DIP2B: variants seen among roughly 807,000 people sequenced by gnomAD.
DIP2B encodes DIP2 acetate--CoA ligase B (putative).
Under a neutral mutation model 198.0 loss-of-function variants are expected in DIP2B, and 76 were observed. The observed-to-expected ratio is 0.38, with a 90% CI of 0.32 to 0.46. DIP2B has a LOEUF of 0.46. Ranked by LOEUF, DIP2B falls within the 20% of genes least tolerant of loss-of-function variation. The probability of loss-of-function intolerance (pLI) is 0.99; values close to 1 mark genes in which losing one functional copy is unlikely to be tolerated. For synonymous variants in DIP2B, 701 were observed against 739.1 expected, an observed-to-expected ratio of 0.95 and a Z score of 0.84; for missense variants, 1,559 against 1,978.4, an observed-to-expected ratio of 0.79 and a Z score of 4.02.
intron 1 of DIP2B, among the ~76,000 whole-genome samples, chr12:50,624,664 C>A (rs1226806705): frequency 1.3e-5 from 2 of 152,160 alleles, no homozygotes; most frequent in Non-Finnish European, 2.9e-5. Context: ...ATCCTATGGT[C>A]TTCCTCTTAA....
chr12:50,728,399 T>A, intron 29 of DIP2B, 149 bp from the exon 30 acceptor site: 1 of 890,184 alleles, frequency 1.1e-6, no homozygotes, highest in Non-Finnish European at 1.6e-6. Flanking sequence ...GTTCCCTTAA[T>A]GGAGTCTTAG....
chr12:50,525,122 C>T (rs2139356696), intron 1 of DIP2B, among the ~76,000 whole-genome samples: 1 of 152,178 alleles, frequency 6.6e-6, no homozygotes, highest in Non-Finnish European at 1.5e-5. Context: ...CTTTGGGAGG[C>T]CGAGGCGGGC....
chr12:50,662,810 A>G (rs536301814), intron 4 of DIP2B, among the ~76,000 whole-genome samples: 29 of 152,318 alleles, frequency 1.9e-4, no homozygotes, highest in African/African-American at 6.7e-4. Flanking sequence ...GCTTCTGGCC[A>G]GCTACCAAAG....
chr12:50,665,554 G>A (rs1398589272), intron 4 of DIP2B, among the ~76,000 whole-genome samples: 2 of 152,122 alleles, frequency 1.3e-5, no homozygotes, highest in Non-Finnish European at 2.9e-5. Context: ...ACCAGCCTGG[G>A]CAACATAGCA....
chr12:50,505,513 A>C (rs1957960411), intron 1 of DIP2B, among the ~76,000 whole-genome samples: 1 of 152,080 alleles, frequency 6.6e-6, no homozygotes. Context: ...TGCCCCCCAA[A>C]ACCCGAGACA....
At chr12:50,642,284 A>G (rs1199354123) in intron 3 of DIP2B, among the ~76,000 whole-genome samples, 3 of 152,190 alleles carry the variant, frequency 2.0e-5, no homozygotes, top group Non-Finnish European at 4.4e-5. Context: ...AAGGGTCAGA[A>G]AGAGGTGGGA....
chr12:50,511,524 C>T (rs889692418), intron 1 of DIP2B, among the ~76,000 whole-genome samples: 1 of 151,068 alleles, frequency 6.6e-6, no homozygotes, highest in South Asian at 2.1e-4. Context: ...AACTCCTGAC[C>T]TCAAATGATC....
In DIP2B at chr12:50,532,084, C is replaced by T. The variant is rs1162346057; in HGVS notation, c.100+26844C>T. ...GCTGCTGGAGTGATCATTCAGGATG[C>T]CAGGAATGACTCCTTTTCTGCTGAA... On this transcript the variant is annotated intron_variant, in intron 1 of 37. Coordinates refer to ENST00000301180, the MANE Select transcript of DIP2B (RefSeq NM_173602.3). Among the ~76,000 whole-genome samples, 3 of 152,030 alleles carry T rather than the reference C, an allele frequency of 2.0e-5. No individual in the cohort carries two copies. In the East Asian group the frequency reaches 5.8e-4, roughly 29 times the overall value.
rs780061775 is a variant in DIP2B at position 50,714,538 on chromosome 12, C to T, written c.2793C>T (p.Ile931=). The T allele has an allele frequency of 6.2e-7, 1 of 1,614,022 alleles. No homozygotes were observed. The highest frequency in any genetic ancestry group is 1.7e-5 in the Admixed American group (1 of 59,996). Residue 931 remains isoleucine, a synonymous_variant, in exon 23 of 38, where the codon ATC becomes ATT. Transcript: ENST00000301180. ...FLEGSLHPCN[I]LMCPHTCVTN... is the part of the protein sequence containing the mutation. ...AGGGATCACTGCATCCTTGCAACAT[C>T]CTCATGTGCCCCCATACATGTGTGA... is the stretch of plus-strand genomic sequence containing the variant.
At position 50,671,215 on chromosome 12, in the gene DIP2B, T is replaced by C; in HGVS notation, c.457T>C (p.Ser153Pro). 6.2e-7 allele frequency: 1 copy of C among 1,614,190 alleles called. No homozygotes were observed. Among genetic ancestry groups the C allele is most frequent in the Non-Finnish European group, 8.5e-7 (1 of 1,180,024 alleles). Residue 153 changes from serine (S) to proline (P), a missense_variant, in exon 5 of 38, where the codon TCT (serine) becomes CCT (proline). Physicochemically the swap from Ser to Pro is moderately conservative, Grantham distance 74 (BLOSUM62 -1). Transcript: ENST00000301180. ...ATCTTCGGCCTCTGAGGATGAGGGCTCTCTGAGACGCCAAGCTGCGCTCTC... is the reference window on the plus strand; with the variant it reads ...ATCTTCGGCCTCTGAGGATGAGGGCCCTCTGAGACGCCAAGCTGCGCTCTC... ...DTSSASEDEG[S>P]LRRQAALSAA...
chr12:50,728,755 G>C lies in DIP2B; in HGVS notation c.3641+77G>C, dbSNP rs1022420717. The C allele has an allele frequency of 1.7e-5, 26 of 1,530,562 alleles. No homozygotes were observed. In the East Asian group the frequency reaches 4.7e-4, roughly 28 times the overall value. 94.8% of individuals were successfully genotyped at this position (1,530,562 alleles called of 1,614,324 possible). ...CCATGGCCATCTCATCCTTCCCTTTGCTCCCTTAATTTGGTAAAGTTTCAG... is the reference window on the plus strand; with the variant it reads ...CCATGGCCATCTCATCCTTCCCTTTCCTCCCTTAATTTGGTAAAGTTTCAG... On this transcript the variant is annotated intron_variant, in intron 30 of 37. Coordinates refer to ENST00000301180, the MANE Select transcript of DIP2B (RefSeq NM_173602.3).
chr12:50,689,493 TA>T (rs1251622598), intron 12 of DIP2B, among the ~76,000 whole-genome samples: 1 of 152,210 alleles, frequency 6.6e-6, no homozygotes, highest in Non-Finnish European at 1.5e-5. Flanking sequence ...AGGCAGGGCT[TA>T]GTTACTGATG....
Position 50,732,440 on chromosome 12 carries a change from G to C in DIP2B, c.3885G>C (p.Gln1295His). ...VAEERPRVAL[Q>H]QSFSKLFKDI... ...AGGAGAGGCCCCGCGTTGCACTCCA[G>C]CAGTCCTTCTCTAAGCTCTTCAAAG... The change falls in exon 32 of 38, where the codon CAG becomes CAC. Residue 1295 changes from glutamine (Q) to histidine (H), a missense_variant. Physicochemically the swap from Gln to His is conservative, Grantham distance 24. Transcript: ENST00000301180. 1 of 1,614,244 alleles carries C rather than the reference G, an allele frequency of 6.2e-7. No homozygotes were observed. Among genetic ancestry groups the C allele is most frequent in the Non-Finnish European group, 8.5e-7 (1 of 1,180,042 alleles).
intron 3 of DIP2B, among the ~76,000 whole-genome samples, chr12:50,658,651 C>T (rs1028369883): frequency 3.3e-5 from 5 of 152,026 alleles, no homozygotes; most frequent in Admixed American, 3.3e-4. Flanking sequence ...TGGAAATAAC[C>T]TAGTATCTGA....
chr12:50,660,406 A>C, intron 4 of DIP2B, 87 bp downstream of exon 4: 1 of 1,377,258 alleles, frequency 7.3e-7, no homozygotes, highest in Non-Finnish European at 9.5e-7. Context: ...TGAGGTAAGA[A>C]CCAGAATCTT....
chr12:50,576,697 G>A (rs1306709850), intron 1 of DIP2B, among the ~76,000 whole-genome samples: 1 of 151,664 alleles, frequency 6.6e-6, no homozygotes, highest in Non-Finnish European at 1.5e-5. Context: ...TAGCCAGGAT[G>A]GTCTCGATCT....
chr12:50,523,360 T>C (rs975829964), intron 1 of DIP2B, among the ~76,000 whole-genome samples: 2 of 152,218 alleles, frequency 1.3e-5, no homozygotes, highest in Non-Finnish European at 2.9e-5. Flanking sequence ...AAAAAATCTG[T>C]ACATGTTCAG....
chr12:50,538,480 G>A (rs1238576827), intron 1 of DIP2B, among the ~76,000 whole-genome samples: 2 of 152,102 alleles, frequency 1.3e-5, no homozygotes, highest in Non-Finnish European at 2.9e-5. Context: ...TTCCCAAAAT[G>A]TAGCTACTTT....
In DIP2B at chr12:50,585,434, A is replaced by G. The variant is rs924059110; in HGVS notation, c.101-40542A>G. Among the ~76,000 whole-genome samples the G allele has an allele frequency of 3.3e-5, 5 of 152,226 alleles. No homozygotes were observed. The East Asian group carries it at 9.6e-4, about 29-fold the overall frequency. On this transcript the variant is annotated intron_variant, in intron 1 of 37. Transcript: ENST00000301180. Reference sequence around the variant, plus strand: ...GGAATTGAGGGGTAGCTGCTCTTCTAGTCAGAGTGGCCAGAGGAGGAGACA... The same window carrying G: ...GGAATTGAGGGGTAGCTGCTCTTCTGGTCAGAGTGGCCAGAGGAGGAGACA...
Sources: allele counts gnomAD v4.1 joint callset (sites outside exome capture counted in the v4.1 genomes callset), GRCh38; gene constraint gnomAD v4.1.1; transcripts MANE v1.5; gene names NCBI Gene and HGNC (gene_info 2026-07-23, HGNC 2026-07-21).